ADRA1B: variants seen among roughly 807,000 people sequenced by gnomAD.
ADRA1B encodes adrenoceptor alpha 1B.
A neutral mutation model predicts 17.9 loss-of-function variants in ADRA1B; 17 were observed. The observed-to-expected ratio is 0.95, with a 90% CI of 0.65 to 1.42. The LOEUF is 1.42. ADRA1B is among the 40% of genes most tolerant of loss of function. The probability of loss-of-function intolerance (pLI) is 0.00; values close to 1 mark genes in which losing one functional copy is unlikely to be tolerated. For missense variants in ADRA1B, 681 were observed against 722.1 expected (o/e 0.94, Z 0.65); for synonymous variants, 366 against 327.6 (o/e 1.12, Z -1.27).
chr5:159,975,108 G>A (rs1755952163), downstream of ADRA1B, among the ~76,000 whole-genome samples: 1 of 152,156 alleles, frequency 6.6e-6, no homozygotes, highest in Non-Finnish European at 1.5e-5. Context: ...GAGAACAAGG[G>A]ATCATTTGGG....
chr5:159,885,328 G>C (rs768042453), intron 1 of ADRA1B, among the ~76,000 whole-genome samples: 5 of 152,072 alleles, frequency 3.3e-5, no homozygotes, highest in Non-Finnish European at 1.5e-5. Context: ...TTCCCTCCAT[G>C]TAGCCTCAGG....
At chr5:159,963,519 T>G (rs1487482125) in intron 1 of ADRA1B, among the ~76,000 whole-genome samples, 2 of 152,106 alleles carry the variant, frequency 1.3e-5, no homozygotes, top group Non-Finnish European at 2.9e-5. Flanking sequence ...TTGGACACAG[T>G]CATCAAGAAT....
At chr5:159,924,626 C>T (rs933500535) in intron 1 of ADRA1B, among the ~76,000 whole-genome samples, 1 of 152,104 alleles carries the variant, frequency 6.6e-6, no homozygotes, top group Admixed American at 6.5e-5. Flanking sequence ...CGGGGCCAGT[C>T]GTGGTGGCAC....
At chr5:159,966,500 G>A (rs1049941608) in intron 1 of ADRA1B, among the ~76,000 whole-genome samples, 1 of 152,172 alleles carries the variant, frequency 6.6e-6, no homozygotes, top group Non-Finnish European at 1.5e-5. Context: ...TAAAAAAGGG[G>A]ACTCCCTGTC....
intron 1 of ADRA1B, among the ~76,000 whole-genome samples, chr5:159,946,826 T>C (rs998174659): frequency 1.3e-5 from 2 of 152,204 alleles, no homozygotes; most frequent in African/African-American, 4.8e-5. Context: ...TCATCTGGAA[T>C]CCAATGGCAC....
intron 1 of ADRA1B, among the ~76,000 whole-genome samples, chr5:159,909,715 C>T (rs765363782): frequency 4.6e-5 from 7 of 152,172 alleles, no homozygotes; most frequent in Non-Finnish European, 1.0e-4. Context: ...AGTTCTGTTC[C>T]ATAATAAATG....
chr5:159,948,227 C>T (rs11738707), intron 1 of ADRA1B: 140,749 of 985,364 alleles, frequency 0.14, 10,618 homozygotes, highest in Non-Finnish European at 0.15. Flanking sequence ...TCCTGCATTA[C>T]AGCACAGATT....
At chr5:159,967,475 A>G (rs929644318) in intron 1 of ADRA1B, among the ~76,000 whole-genome samples, 1 of 152,192 alleles carries the variant, frequency 6.6e-6, no homozygotes, top group African/African-American at 2.4e-5. Flanking sequence ...TATTTTCAAG[A>G]TGTCAGACTC....
chr5:159,955,552 T>C (rs1755537197), intron 1 of ADRA1B, among the ~76,000 whole-genome samples: 1 of 152,176 alleles, frequency 6.6e-6, no homozygotes. Flanking sequence ...GTCCCTGTTC[T>C]CTTGTAGAGC....
At chr5:159,914,789 G>A (rs1158793456), upstream of ADRA1B, among the ~76,000 whole-genome samples, 3 of 152,196 alleles carry the variant, frequency 2.0e-5, no homozygotes, top group Non-Finnish European at 1.5e-5. Context: ...CCCCACCCGT[G>A]AATATCAAGT....
At chr5:159,941,406 T>G (rs1454152587) in intron 1 of ADRA1B, among the ~76,000 whole-genome samples, 1 of 152,220 alleles carries the variant, frequency 6.6e-6, no homozygotes, top group Non-Finnish European at 1.5e-5. Context: ...TCCTTGTTCT[T>G]GTTCTAAAAA....
At chr5:159,942,652 C>T (rs1581054610) in intron 1 of ADRA1B, among the ~76,000 whole-genome samples, 1 of 152,206 alleles carries the variant, frequency 6.6e-6, no homozygotes, top group Non-Finnish European at 1.5e-5. Flanking sequence ...TCTCTACAAA[C>T]ACACAAAAAA....
intron 1 of ADRA1B, among the ~76,000 whole-genome samples, chr5:159,890,628 A>G (rs1220758045): frequency 3.3e-5 from 5 of 152,130 alleles, no homozygotes; most frequent in Admixed American, 3.3e-4. Context: ...CCTAGCACGG[A>G]CCATCAAGTC....
chr5:159,908,610 T>A (rs1754192260), intron 1 of ADRA1B, among the ~76,000 whole-genome samples: 1 of 152,198 alleles, frequency 6.6e-6, no homozygotes, highest in Non-Finnish European at 1.5e-5. Flanking sequence ...GTACCATGTT[T>A]CTTGTACAGC....
chr5:159,901,420 G>A (rs1230930716), intron 1 of ADRA1B, among the ~76,000 whole-genome samples: 3 of 115,382 alleles, frequency 2.6e-5, no homozygotes, highest in African/African-American at 1.0e-4. Context: ...GAGGAGAAGG[G>A]GGAGGGAGAG....
chr5:159,912,024 T>A (rs767654138), upstream of ADRA1B, among the ~76,000 whole-genome samples: 10 of 152,206 alleles, frequency 6.6e-5, no homozygotes, highest in African/African-American at 9.7e-5. Context: ...ACCTACCTCA[T>A]AATGTTATCA....
chr5:159,956,230 G>A (rs1003456365), intron 1 of ADRA1B, among the ~76,000 whole-genome samples: 1 of 152,146 alleles, frequency 6.6e-6, no homozygotes, highest in African/African-American at 2.4e-5. Context: ...GACAGGAGGA[G>A]ACCCGTTTCA....
intron 1 of ADRA1B, among the ~76,000 whole-genome samples, chr5:159,962,584 A>G (rs906440742): frequency 2.3e-4 from 35 of 152,114 alleles, no homozygotes; most frequent in Non-Finnish European, 4.4e-4. Context: ...AGCTGTTGTC[A>G]GGATTAAATG....
chr5:159,924,365 T>G (rs1412580739), intron 1 of ADRA1B, among the ~76,000 whole-genome samples: 1 of 152,094 alleles, frequency 6.6e-6, no homozygotes, highest in Non-Finnish European at 1.5e-5. Context: ...TTTCAGAAAT[T>G]TTTTTCAAAC....
Sources: gnomAD v4.1 joint callset for allele counts (sites outside exome capture counted in the v4.1 genomes callset) on GRCh38, gnomAD v4.1.1 for gene constraint, MANE v1.5 for transcripts, NCBI Gene and HGNC (gene_info 2026-07-23, HGNC 2026-07-21) for gene names.